CACNA2D3: variants seen among roughly 807,000 people sequenced by gnomAD.
CACNA2D3 encodes calcium voltage-gated channel auxiliary subunit alpha2delta 3.
Under a neutral mutation model 160.6 loss-of-function variants are expected in CACNA2D3, and 60 were observed. The ratio of observed to expected loss-of-function variants is 0.37; its 90% confidence interval spans 0.30 to 0.46. The LOEUF (loss-of-function observed/expected upper bound fraction) is 0.46, where lower values mean the gene tolerates loss of function less well. CACNA2D3 is among the 20% of genes least tolerant of loss of function. The pLI is 1.00. For synonymous variants in CACNA2D3, 558 were observed against 492.9 expected, an observed-to-expected ratio of 1.13 and a Z score of -1.75; for missense variants, 1,205 against 1,365.0, an observed-to-expected ratio of 0.88 and a Z score of 1.85.
At chr3:54,385,000 T>C (rs1055526607) in intron 3 of CACNA2D3, among the ~76,000 whole-genome samples, 1 of 152,124 alleles carries the variant, frequency 6.6e-6, no homozygotes, top group African/African-American at 2.4e-5. Flanking sequence ...GGATTACTAG[T>C]GTGAACCCAC....
chr3:54,674,760 A>G (rs942211616), intron 11 of CACNA2D3, among the ~76,000 whole-genome samples: 1 of 152,206 alleles, frequency 6.6e-6, no homozygotes, highest in Non-Finnish European at 1.5e-5. Context: ...TGAGGTCCCA[A>G]CATATGGGAA....
chr3:54,779,521 CTG>C (rs1702492333), intron 13 of CACNA2D3, among the ~76,000 whole-genome samples: 1 of 152,136 alleles, frequency 6.6e-6, no homozygotes, highest in African/African-American at 2.4e-5. Flanking sequence ...GTGCTTTTTT[CTG>C]TATTTCCCCC....
At chr3:54,452,082 A>G (rs903758165) in intron 4 of CACNA2D3, among the ~76,000 whole-genome samples, 3 of 152,204 alleles carry the variant, frequency 2.0e-5, no homozygotes, top group African/African-American at 4.8e-5. Flanking sequence ...TCATGAAAAT[A>G]TATTGTATTA....
intron 18 of CACNA2D3, 122 bp from the exon 19 acceptor site, chr3:54,878,896 G>T (rs1291687738): frequency 5.4e-6 from 3 of 554,018 alleles, no homozygotes; most frequent in Non-Finnish European, 9.6e-6. Context: ...TTATTCTTCA[G>T]AAGCTCTGTT....
chr3:54,449,535 T>C (rs1248164402), intron 4 of CACNA2D3, among the ~76,000 whole-genome samples: 1 of 152,242 alleles, frequency 6.6e-6, no homozygotes, highest in Non-Finnish European at 1.5e-5. Context: ...CACCCAAATC[T>C]CATGTTGAAT....
At chr3:54,362,499 T>C (rs1263314680) in intron 3 of CACNA2D3, among the ~76,000 whole-genome samples, 6 of 152,228 alleles carry the variant, frequency 3.9e-5, no homozygotes, top group South Asian at 2.1e-4. Context: ...TCACGGGCCC[T>C]GCCCACACTC....
chr3:54,847,774 A>G (rs1173421469), intron 17 of CACNA2D3, among the ~76,000 whole-genome samples: 1 of 152,252 alleles, frequency 6.6e-6, no homozygotes, highest in Non-Finnish European at 1.5e-5. Context: ...ATTTAAGTCC[A>G]AAGACATATT....
chr3:54,960,086 A>C (rs1701995139), intron 27 of CACNA2D3, among the ~76,000 whole-genome samples: 1 of 152,160 alleles, frequency 6.6e-6, no homozygotes, highest in Non-Finnish European at 1.5e-5. Flanking sequence ...CAAAAAAAAA[A>C]AAAAAACCAA....
chr3:54,131,438 G>T (rs1699705244), intron 2 of CACNA2D3, among the ~76,000 whole-genome samples: 1 of 152,230 alleles, frequency 6.6e-6, no homozygotes, highest in African/African-American at 2.4e-5. Flanking sequence ...TGCCACAGGA[G>T]ATCCCAGCAT....
chr3:54,856,854 C>T (rs1299065845), intron 17 of CACNA2D3, among the ~76,000 whole-genome samples: 1 of 152,184 alleles, frequency 6.6e-6, no homozygotes, highest in African/African-American at 2.4e-5. Context: ...AATCTCGGCT[C>T]ACTGCATTCT....
chr3:55,056,120 A>G (rs1704354089), intron 35 of CACNA2D3, among the ~76,000 whole-genome samples: 1 of 152,064 alleles, frequency 6.6e-6, no homozygotes, highest in African/African-American at 2.4e-5. Flanking sequence ...CAAAACAAAA[A>G]CCCCAGTTAA....
At chr3:54,479,670 G>C (rs954462834) in intron 4 of CACNA2D3, among the ~76,000 whole-genome samples, 1 of 152,108 alleles carries the variant, frequency 6.6e-6, no homozygotes, top group African/African-American at 2.4e-5. Context: ...CTACACATTA[G>C]TCTGTGTGTC....
intron 24 of CACNA2D3, among the ~76,000 whole-genome samples, chr3:54,889,729 G>A (rs1312294156): frequency 6.6e-6 from 1 of 152,106 alleles, no homozygotes; most frequent in Non-Finnish European, 1.5e-5. Flanking sequence ...CATTATTAGG[G>A]GTGTCTTTGA....
At chr3:54,721,267 A>G (rs1237551714) in intron 11 of CACNA2D3, among the ~76,000 whole-genome samples, 2 of 152,194 alleles carry the variant, frequency 1.3e-5, no homozygotes, top group African/African-American at 4.8e-5. Flanking sequence ...TAAATAGGAA[A>G]TATTTAATTA....
At chr3:54,239,179 C>CTT (rs947620950) in intron 2 of CACNA2D3, among the ~76,000 whole-genome samples, 15 of 152,198 alleles carry the variant, frequency 9.9e-5, no homozygotes, top group African/African-American at 3.4e-4. Flanking sequence ...TAGGACTTGG[C>CTT]TTGAAGTATT....
intron 13 of CACNA2D3, among the ~76,000 whole-genome samples, chr3:54,809,307 C>CCTTCT (rs1703224602): frequency 1.2e-5 from 1 of 86,252 alleles, no homozygotes; most frequent in Non-Finnish European, 2.0e-5. Flanking sequence ...TTCCTTCCTT[C>CCTTCT]TTTCTTTTTT....
At chr3:54,609,607 C>T (rs1323893057) in intron 9 of CACNA2D3, among the ~76,000 whole-genome samples, 1 of 152,128 alleles carries the variant, frequency 6.6e-6, no homozygotes, top group African/African-American at 2.4e-5. Flanking sequence ...CTTAACACGT[C>T]CGCTAATAGG....
At chr3:54,920,928 G>C (rs1700829449) in intron 27 of CACNA2D3, among the ~76,000 whole-genome samples, 1 of 152,178 alleles carries the variant, frequency 6.6e-6, no homozygotes, top group South Asian at 2.1e-4. Flanking sequence ...CAGAGCCAAG[G>C]AAATACCCAG....
chr3:54,686,706 T>G (rs929812989), intron 11 of CACNA2D3, among the ~76,000 whole-genome samples: 3 of 152,212 alleles, frequency 2.0e-5, no homozygotes, highest in African/African-American at 7.2e-5. Context: ...GAATTAGTAA[T>G]TTCAGTGGAT....
Sources: allele counts gnomAD v4.1 joint callset (sites outside exome capture counted in the v4.1 genomes callset), GRCh38; gene constraint gnomAD v4.1.1; transcripts MANE v1.5; gene names NCBI Gene and HGNC (gene_info 2026-07-23, HGNC 2026-07-21).